The following C14orf39 variants were observed in gnomAD, a reference collection of about 807,000 sequenced individuals.
C14orf39 encodes the protein chromosome 14 open reading frame 39.
A neutral mutation model predicts 85.6 loss-of-function variants in C14orf39; 66 were observed. That is an observed-to-expected ratio of 0.77 (90% CI 0.63 to 0.95). C14orf39 has a LOEUF of 0.95. C14orf39 is among the 40% of genes least tolerant of loss of function. The probability of loss-of-function intolerance (pLI) is 0.00; values close to 1 mark genes in which losing one functional copy is unlikely to be tolerated. For synonymous variants in C14orf39, 242 were observed against 214.0 expected, an observed-to-expected ratio of 1.13 and a Z score of -1.14; for missense variants, 735 against 663.9, an observed-to-expected ratio of 1.11 and a Z score of -1.18.
rs1181378217 is a variant in C14orf39, at chr14:60,436,941, T to C, written c.1668A>G (p.Pro556=). ...AATTTTGACCCTGTCCAAATGAAAA[T>C]GGAAAACTAAAATCATCTTTTCCAG... ...FGAGKDDFSF[P]FSFGQGQNSI... Residue 556 remains proline (P), a synonymous_variant, in exon 18 of 18, where the codon CCA becomes CCG. Coordinates refer to ENST00000321731, the MANE Select transcript of C14orf39 (RefSeq NM_174978.3). 6.2e-7 allele frequency: 1 copy of C among 1,612,940 alleles called. No homozygotes were observed. The highest frequency in any genetic ancestry group is 8.5e-7 in the Non-Finnish European group (1 of 1,179,268).
At chr14:60,448,251 C>A (rs1031457543) in intron 16 of C14orf39, among the ~76,000 whole-genome samples, 1 of 152,114 alleles carries the variant, frequency 6.6e-6, no homozygotes, top group African/African-American at 2.4e-5. Flanking sequence ...TCAGAGTGAA[C>A]AGGCAACCTA....
At position 60,474,455 on chromosome 14, in the gene C14orf39, G is replaced by A. The variant is rs533270863; in HGVS notation, c.324-2716C>T. Among the ~76,000 whole-genome samples, 2 of 46,754 alleles carry A rather than the reference G, an allele frequency of 4.3e-5. 1 individual carries two copies. Among genetic ancestry groups the A allele is most frequent in the Non-Finnish European group, 1.6e-4 (2 of 12,274 alleles). 30.7% of individuals were successfully genotyped at this position (46,754 alleles called of 152,430 possible). A position where few individuals can be genotyped will look rare whatever the true frequency, so the allele number is the denominator to read the frequency against. On this transcript the variant is annotated intron_variant, in intron 5 of 17. Coordinates refer to ENST00000321731, the MANE Select transcript of C14orf39 (RefSeq NM_174978.3). ...ACACTATGTTGAATAGGAGTGGTGA[G>A]AGAGGGTATCCCTGTCTTGTGCCAG...
At chr14:60,505,482 T>A (rs1209135948) in intron 1 of C14orf39, among the ~76,000 whole-genome samples, 1 of 152,222 alleles carries the variant, frequency 6.6e-6, no homozygotes, top group African/African-American at 2.4e-5. Context: ...TATACTTTTT[T>A]AGAAGTAGAG....
In C14orf39 at chr14:60,437,045, T is replaced by C. The variant is rs772302720; in HGVS notation, c.1564A>G (p.Asn522Asp). The C allele has an allele frequency of 4.4e-6, 7 of 1,593,200 alleles. No individual in the cohort carries two copies. Among genetic ancestry groups the C allele is most frequent in the African/African-American group, 2.7e-5 (2 of 73,552 alleles). Residue 522 changes from asparagine (N) to aspartate (D), a missense_variant and splice_region_variant, in exon 18 of 18, where the codon AAC (asparagine) becomes GAC (aspartate). Asn to Asp is a conservative substitution (Grantham distance 23). Coordinates refer to ENST00000321731, the MANE Select transcript of C14orf39 (RefSeq NM_174978.3). ...NPLSSEQEIG[N>D]LLEKPEGEDG... ...TCTCCTTCTGGCTTCTCAAGTAAGT[T>C]TCCTAAGGAAGATAAACATTACAAT...
At chr14:60,447,927 A>C (rs1890851495) in intron 16 of C14orf39, among the ~76,000 whole-genome samples, 1 of 152,216 alleles carries the variant, frequency 6.6e-6, no homozygotes, top group Admixed American at 6.5e-5. Flanking sequence ...AAACCTGACA[A>C]AAACAGCAAC....
In C14orf39 at chr14:60,460,286, T is replaced by C. The variant is rs547284158; in HGVS notation, c.1117+1068A>G. Among the ~76,000 whole-genome samples, 5 of 151,964 alleles carry C rather than the reference T, an allele frequency of 3.3e-5. No homozygotes were observed. In the East Asian group the frequency reaches 9.7e-4, roughly 29 times the overall value. On this transcript the variant is annotated intron_variant, in intron 13 of 17. Coordinates refer to ENST00000321731, the MANE Select transcript of C14orf39 (RefSeq NM_174978.3). ...CCTAGAGATTAGCTATTCCTCCTTGTCTAACACTCTGTCAGTTTGGCATAT... is the reference window on the plus strand; with the variant it reads ...CCTAGAGATTAGCTATTCCTCCTTGCCTAACACTCTGTCAGTTTGGCATAT...
At chr14:60,438,034 T>C (rs945290742) in intron 17 of C14orf39, among the ~76,000 whole-genome samples, 1 of 151,832 alleles carries the variant, frequency 6.6e-6, no homozygotes, top group Non-Finnish European at 1.5e-5. Context: ...TCTATAGTAA[T>C]CAAATATGTA....
At chr14:60,453,196 T>G (rs1891115997) in intron 16 of C14orf39, among the ~76,000 whole-genome samples, 1 of 152,140 alleles carries the variant, frequency 6.6e-6, no homozygotes, top group Non-Finnish European at 1.5e-5. Context: ...TCTATTTCTC[T>G]CTTTAATTCT....
intron 10 of C14orf39, among the ~76,000 whole-genome samples, chr14:60,466,612 A>T (rs1891801765): frequency 6.6e-6 from 1 of 151,932 alleles, no homozygotes; most frequent in Non-Finnish European, 1.5e-5. Flanking sequence ...ACACATATTG[A>T]TAATCAACTC....
rs755737241 is a variant in C14orf39, at chr14:60,458,768, TC to T, written c.1118-30del. On this transcript the variant is annotated intron_variant, in intron 13 of 17. Coordinates refer to ENST00000321731, the MANE Select transcript of C14orf39 (RefSeq NM_174978.3). ...TTGTCATATGAGAACAAACTATTTT[TC>T]TTTTTGTAATTTTATTGTAAAATAA... 34 of 1,537,928 alleles carry T rather than the reference TC, an allele frequency of 2.2e-5. No homozygotes were observed. The African/African-American group carries it at 4.0e-4, about 18-fold the overall frequency.
At chr14:60,495,216 A>G (rs1893051760) in intron 2 of C14orf39, 1 of 203,804 alleles carries the variant, frequency 4.9e-6, no homozygotes, top group Admixed American at 4.7e-5. Context: ...GGCAAATGCG[A>G]CATTCATTGG....
chr14:60,475,449 C>A (rs1001022480), intron 5 of C14orf39, among the ~76,000 whole-genome samples: 2 of 152,050 alleles, frequency 1.3e-5, no homozygotes, highest in Admixed American at 1.3e-4. Flanking sequence ...ATCTAATCTG[C>A]CACCTATTTT....
At chr14:60,446,521 G>A (rs1402791530) in intron 16 of C14orf39, among the ~76,000 whole-genome samples, 1 of 152,166 alleles carries the variant, frequency 6.6e-6, no homozygotes, top group Non-Finnish European at 1.5e-5. Flanking sequence ...TCTCTGAATA[G>A]ACGAATGACA....
chr14:60,478,536 A>T, intron 4 of C14orf39, 147 bp from the exon 5 acceptor site: 1 of 466,540 alleles, frequency 2.1e-6, no homozygotes. Flanking sequence ...AAGTATTTCC[A>T]TCTCATATCA....
chr14:60,447,886 A>T (rs1468912148), intron 16 of C14orf39, among the ~76,000 whole-genome samples: 1 of 152,018 alleles, frequency 6.6e-6, no homozygotes, highest in Non-Finnish European at 1.5e-5. Flanking sequence ...CAGAAATAAC[A>T]CCACACATGT....
chr14:60,495,708 C>T (rs920927324), intron 2 of C14orf39: 4 of 183,076 alleles, frequency 2.2e-5, no homozygotes, highest in Non-Finnish European at 4.6e-5. Context: ...GGTTTCTCTC[C>T]AAAGTGGGAG....
intron 5 of C14orf39, among the ~76,000 whole-genome samples, chr14:60,476,309 A>G (rs1324606200): frequency 6.6e-6 from 1 of 152,188 alleles, no homozygotes; most frequent in African/African-American, 2.4e-5. Context: ...AACATACTCC[A>G]TATAGAAACT....
In C14orf39 at chr14:60,471,641, T is replaced by G. The variant is rs1892085936; in HGVS notation, c.422A>C (p.Lys141Thr). ...ETPFSREYYE[K>T]KREHEEIQSR... ...TTGAATTTCTTCATGTTCTCTTTTC[T>G]TCTCATAATATTCACGTGAAAAGGG... The change falls in exon 6 of 18, where the codon AAG (lysine) becomes ACG (threonine). Residue 141 changes from lysine to threonine, a missense_variant. Physicochemically the swap from Lys to Thr is moderately conservative, Grantham distance 78. Transcript: ENST00000321731. The G allele has an allele frequency of 1.9e-6, 3 of 1,611,158 alleles. No individual in the cohort carries two copies. Among genetic ancestry groups the G allele is most frequent in the Non-Finnish European group, 2.5e-6 (3 of 1,178,244 alleles).
At chr14:60,477,401 T>C (rs1421098336) in intron 5 of C14orf39, among the ~76,000 whole-genome samples, 1 of 152,178 alleles carries the variant, frequency 6.6e-6, no homozygotes, top group Non-Finnish European at 1.5e-5. Flanking sequence ...CTCATCCAAT[T>C]ATATTAAAAA....
Sources: allele counts gnomAD v4.1 joint callset (sites outside exome capture counted in the v4.1 genomes callset), GRCh38; gene constraint gnomAD v4.1.1; transcripts MANE v1.5; gene names NCBI Gene and HGNC (gene_info 2026-07-23, HGNC 2026-07-21).